Variants in TECRL observed in about 807,000 individuals in gnomAD.
TECRL encodes the protein trans-2,3-enoyl-CoA reductase-like.
TECRL carries 63 observed loss-of-function variants against 52.8 expected under a neutral mutation model. The ratio of observed to expected loss-of-function variants is 1.19; its 90% CI spans 0.97 to 1.47. The LOEUF is 1.47. Ranked by LOEUF, TECRL falls within the 40% of genes most tolerant of loss-of-function variation. The probability of loss-of-function intolerance (pLI) is 0.00; values close to 1 mark genes in which losing one functional copy is unlikely to be tolerated. For synonymous variants in TECRL, 164 were observed against 141.9 expected (o/e 1.16, Z -1.10); for missense variants, 482 against 429.6 (o/e 1.12, Z -1.08).
chr4:64,313,702 C>G (rs778785197), intron 5 of TECRL, among the ~76,000 whole-genome samples: 15 of 149,896 alleles, frequency 1.0e-4, no homozygotes, highest in African/African-American at 2.2e-4. Context: ...AGGATGGTCT[C>G]GATCTCCTGA....
At chr4:64,350,067 CA>C (rs61129240) in intron 2 of TECRL, among the ~76,000 whole-genome samples, 31,736 of 151,076 alleles carry the variant, frequency 0.21, 3,457 homozygotes, top group East Asian at 0.31. Flanking sequence ...AGGAAAGAAT[CA>C]ACATCTGTCT....
intron 2 of TECRL, among the ~76,000 whole-genome samples, chr4:64,337,029 T>A (rs902450593): frequency 2.6e-5 from 4 of 152,178 alleles, no homozygotes; most frequent in Admixed American, 1.3e-4. Flanking sequence ...TAGGTCCGCT[T>A]GGTGCAGAGC....
At chr4:64,331,818 A>G (rs1454866191) in intron 2 of TECRL, among the ~76,000 whole-genome samples, 1 of 152,154 alleles carries the variant, frequency 6.6e-6, no homozygotes, top group Non-Finnish European at 1.5e-5. Context: ...CTCAGAAAGC[A>G]GAAAGATAAA....
chr4:64,407,760 A>G (rs2109801235), intron 1 of TECRL, among the ~76,000 whole-genome samples: 1 of 151,298 alleles, frequency 6.6e-6, no homozygotes, highest in South Asian at 2.1e-4. Context: ...GCAACTTCTG[A>G]AGAGTAATTT....
At chr4:64,400,754 G>T (rs1994144) in intron 1 of TECRL, among the ~76,000 whole-genome samples, 97,640 of 151,966 alleles carry the variant, frequency 0.64, 32,604 homozygotes, top group Non-Finnish European at 0.74. Flanking sequence ...TTTGGTCATG[G>T]GAAGTGCCTG....
In TECRL at chr4:64,360,908, G is replaced by A. The variant is rs577525767; in HGVS notation, c.286+14264C>T. ...GACAGAACTCCAGCCTGCATAGGGC[G>A]CAGAAGGTTTGGTGCAGGAACAGGC... is the stretch of plus-strand genomic sequence containing the variant. On this transcript the variant is annotated intron_variant, in intron 2 of 11. Coordinates refer to ENST00000381210, the MANE Select transcript of TECRL (RefSeq NM_001010874.5). Among the ~76,000 whole-genome samples the A allele has an allele frequency of 1.4e-4, 21 of 152,290 alleles. No individual in the cohort carries two copies. In the South Asian group the frequency reaches 1.4e-3, roughly 11 times the overall value.
At chr4:64,281,671 A>C in intron 9 of TECRL, 112 bp from the exon 10 acceptor site, 2 of 587,410 alleles carry the variant, frequency 3.4e-6, no homozygotes, top group Non-Finnish European at 5.9e-6. Flanking sequence ...ATGAAATGTC[A>C]TCACGTATTT....
chr4:64,319,893 AC>A (rs762902707), intron 4 of TECRL, among the ~76,000 whole-genome samples: 23 of 151,932 alleles, frequency 1.5e-4, no homozygotes, highest in Admixed American at 3.9e-4. Context: ...TTTCCACATG[AC>A]AAAAATATGG....
At chr4:64,409,090 A>C (rs1486083173) in intron 1 of TECRL, 28 bp downstream of exon 1, 1 of 1,536,306 alleles carries the variant, frequency 6.5e-7, no homozygotes. Flanking sequence ...TTAAACAAAC[A>C]AACAAATAAA....
chr4:64,369,800 C>T lies in TECRL; in HGVS notation c.286+5372G>A, dbSNP rs1304619640. On this transcript the variant is annotated intron_variant, in intron 2 of 11. Coordinates refer to ENST00000381210, the MANE Select transcript of TECRL (RefSeq NM_001010874.5). ...CAATAGAAATATTTTAGGTCCGTGG[C>T]ACATAATAAATTTTGAAAAAAGTTA... is the stretch of plus-strand genomic sequence containing the variant. Among the ~76,000 whole-genome samples the T allele has an allele frequency of 4.6e-5, 7 of 151,792 alleles. 1 individual carries two copies. Among genetic ancestry groups the T allele is most frequent in the Admixed American group, 4.6e-4 (7 of 15,186 alleles).
intron 1 of TECRL, among the ~76,000 whole-genome samples, chr4:64,406,832 A>G (rs1417733893): frequency 6.6e-6 from 1 of 152,014 alleles, no homozygotes; most frequent in Non-Finnish European, 1.5e-5. Flanking sequence ...GACGGGCACT[A>G]AGTTATAAGC....
intron 2 of TECRL, among the ~76,000 whole-genome samples, chr4:64,344,105 T>C (rs1577906750): frequency 6.6e-6 from 1 of 152,042 alleles, no homozygotes; most frequent in East Asian, 1.9e-4. Flanking sequence ...TGTTTTTCAA[T>C]TGTCAGCATT....
At chr4:64,364,809 C>T (rs752308401) in intron 2 of TECRL, among the ~76,000 whole-genome samples, 1 of 151,924 alleles carries the variant, frequency 6.6e-6, no homozygotes, top group Non-Finnish European at 1.5e-5. Flanking sequence ...AGAATTGCAG[C>T]CAAACTCTAC....
chr4:64,303,387 C>G (rs567298485), intron 7 of TECRL, among the ~76,000 whole-genome samples: 1 of 151,668 alleles, frequency 6.6e-6, no homozygotes, highest in East Asian at 1.9e-4. Context: ...GATCAAAACT[C>G]AAGATAAAGA....
intron 3 of TECRL, among the ~76,000 whole-genome samples, chr4:64,327,946 AT>A (rs1319082655): frequency 6.6e-6 from 1 of 152,010 alleles, no homozygotes; most frequent in East Asian, 1.9e-4. Flanking sequence ...TTTCATTAAA[AT>A]TTTAAACTCC....
At chr4:64,276,335 G>A (rs1380818429), downstream of TECRL, 1 of 151,886 alleles carries the variant, frequency 6.6e-6, no homozygotes, top group African/African-American at 2.4e-5. Flanking sequence ...TTTATAGGAT[G>A]AGAGTGTTAA....
intron 1 of TECRL, among the ~76,000 whole-genome samples, chr4:64,407,771 TA>T (rs1560567661): frequency 6.6e-6 from 1 of 150,808 alleles, no homozygotes; most frequent in African/African-American, 2.4e-5. Context: ...AGAGTAATTT[TA>T]TTTTTTTATT....
chr4:64,280,974 T>G, intron 11 of TECRL, 67 bp downstream of exon 11: 1 of 1,220,792 alleles, frequency 8.2e-7, no homozygotes, highest in Non-Finnish European at 1.2e-6. Flanking sequence ...TAATAACTTT[T>G]TCTCAGAAAC....
At chr4:64,403,475 G>GCACACA (rs148711260) in intron 1 of TECRL, among the ~76,000 whole-genome samples, 71 of 148,344 alleles carry the variant, frequency 4.8e-4, no homozygotes, top group African/African-American at 1.3e-3. Context: ...CTCCCTGAGC[G>GCACACA]CACACACACA....
Sources: gnomAD v4.1 joint callset for allele counts (sites outside exome capture counted in the v4.1 genomes callset) on GRCh38, gnomAD v4.1.1 for gene constraint, MANE v1.5 for transcripts, NCBI Gene and HGNC (gene_info 2026-07-23, HGNC 2026-07-21) for gene names.